CENPC: variants seen among roughly 807,000 people sequenced by gnomAD.
The protein encoded by CENPC is centromere protein C.
A neutral mutation model predicts 112.1 loss-of-function variants in CENPC; 63 were observed. The ratio of observed to expected loss-of-function variants is 0.56; its 90% CI spans 0.46 to 0.69. The LOEUF (loss-of-function observed/expected upper bound fraction) is 0.69. Ranked by LOEUF, CENPC falls within the 30% of genes least tolerant of loss-of-function variation. The pLI, the probability that CENPC is intolerant of heterozygous loss-of-function variation, is 0.00. For missense variants in CENPC, 1,000 were observed against 1,103.8 expected, an observed-to-expected ratio of 0.91 and a Z score of 1.33; for synonymous variants, 333 against 367.6, an observed-to-expected ratio of 0.91 and a Z score of 1.08.
intron 15 of CENPC, 197 bp downstream of exon 15, chr4:67,492,672 T>G: frequency 1.2e-6 from 1 of 843,028 alleles, no homozygotes; most frequent in Non-Finnish European, 1.6e-6. Context: ...ATTTATAATA[T>G]GCTATTAATA....
At chr4:67,531,816 TC>T (rs1347160539) in intron 4 of CENPC, among the ~76,000 whole-genome samples, 1 of 152,194 alleles carries the variant, frequency 6.6e-6, no homozygotes, top group Non-Finnish European at 1.5e-5. Context: ...CAGCTGTGTA[TC>T]CTGGCTGAAT....
In CENPC at chr4:67,535,828, G is replaced by GA. The variant is rs979635153; in HGVS notation, c.231+4011dup. On this transcript the variant is annotated intron_variant, in intron 4 of 18. Coordinates refer to ENST00000273853, the MANE Select transcript of CENPC (RefSeq NM_001812.4). ...GCCAATAAATAATAGCAAAGACTGG[G>GA]AAAAAAAATCAAGAAACAGCAATAT... is the stretch of plus-strand genomic sequence containing the variant. 6.0e-5 allele frequency among the ~76,000 whole-genome samples: 9 copies of GA among 150,994 alleles called. No homozygotes were observed. The East Asian group carries it at 1.6e-3, about 26-fold the overall frequency.
chr4:67,509,083 T>C lies in CENPC; in HGVS notation c.1635A>G (p.Ser545=), dbSNP rs779495147. 1.6e-5 allele frequency: 26 copies of C among 1,608,202 alleles called. No homozygotes were observed. The highest frequency in any genetic ancestry group is 3.4e-6 in the Non-Finnish European group (4 of 1,178,652). ...GATGCATTGGTAATTCATTTCTTACTGAAGAATTGCTATAAACAGGACCTG... is the reference window on the plus strand; with the variant it reads ...GATGCATTGGTAATTCATTTCTTACCGAAGAATTGCTATAAACAGGACCTG... ...SEESPVYSNS[S]VRNELPMHHN... is the part of the protein sequence containing the mutation. Residue 545 remains serine, a synonymous_variant, in exon 10 of 19, where the codon TCA becomes TCG. Coordinates refer to ENST00000273853, the MANE Select transcript of CENPC (RefSeq NM_001812.4).
rs762773760 is a variant in CENPC at position 67,512,452 on chromosome 4, C to T, written c.1562G>A (p.Arg521Gln). ...ATCAGATGGACGCCTGGAAATTCTT[C>T]GACTTTTCGTGACAGTTGAAGTCAC... ...EEVTSTVTKSRRISRRPSDWW... is the reference protein window; with the variant it reads ...EEVTSTVTKSQRISRRPSDWW... The change falls in exon 9 of 19, where the codon CGA becomes CAA. Residue 521 changes from arginine to glutamine, a missense_variant. Coordinates refer to ENST00000273853, the MANE Select transcript of CENPC (RefSeq NM_001812.4). 24 of 1,601,392 alleles carry T rather than the reference C, an allele frequency of 1.5e-5. No individual in the cohort carries two copies. The highest frequency in any genetic ancestry group is 9.0e-5 in the East Asian group (4 of 44,578).
intron 1 of CENPC, 85 bp from the exon 2 acceptor site, chr4:67,544,280 G>A (rs1356826002): frequency 2.7e-6 from 2 of 743,358 alleles, no homozygotes; most frequent in Admixed American, 4.4e-5. Context: ...ATCCAGTATG[G>A]GCATGCTATA....
At chr4:67,489,279 G>A (rs1419055907) in intron 17 of CENPC, among the ~76,000 whole-genome samples, 1 of 151,316 alleles carries the variant, frequency 6.6e-6, no homozygotes, top group Non-Finnish European at 1.5e-5. Context: ...AATGGGGGTG[G>A]GGGTGGAAGA....
intron 5 of CENPC, among the ~76,000 whole-genome samples, chr4:67,520,567 G>A (rs1303267227): frequency 1.3e-5 from 2 of 152,070 alleles, no homozygotes; most frequent in East Asian, 3.8e-4. Flanking sequence ...CCACACAAGT[G>A]AACATGGACA....
At chr4:67,531,786 G>A (rs1000000868) in intron 4 of CENPC, among the ~76,000 whole-genome samples, 1 of 152,264 alleles carries the variant, frequency 6.6e-6, no homozygotes, top group Non-Finnish European at 1.5e-5. Flanking sequence ...CTGCTAATGC[G>A]CATTTTTCCC....
intron 17 of CENPC, among the ~76,000 whole-genome samples, chr4:67,488,057 C>T (rs1725138966): frequency 6.6e-6 from 1 of 151,680 alleles, no homozygotes; most frequent in African/African-American, 2.4e-5. Context: ...ATAAAATCAA[C>T]TAAAATAACT....
At chr4:67,521,652 G>C (rs1726232693) in intron 5 of CENPC, among the ~76,000 whole-genome samples, 1 of 152,092 alleles carries the variant, frequency 6.6e-6, no homozygotes, top group African/African-American at 2.4e-5. Context: ...ACTGAAAGCA[G>C]GAACTCAAAG....
rs1724583564 is a variant in CENPC, at chr4:67,469,048, CT to C, written c.*3556del. 1 of 152,150 alleles carries C rather than the reference CT, an allele frequency of 6.6e-6. No individual in the cohort carries two copies. 9.4% of individuals were successfully genotyped at this position (152,150 alleles called of 1,614,324 possible). On this transcript the variant is annotated 3_prime_UTR_variant, in exon 19 of 19. Transcript: ENST00000273853. ...AATTCACACATATGATGAAATAGAA[CT>C]ATACACATGCATTGTATCCTTGCCA... is the stretch of plus-strand genomic sequence containing the variant.
intron 1 of CENPC, 21 bp from the exon 2 acceptor site, chr4:67,544,216 C>T: frequency 6.8e-7 from 1 of 1,469,808 alleles, no homozygotes; most frequent in Non-Finnish European, 9.5e-7. Context: ...AGTAAATCAT[C>T]AATTTGGTTT....
intron 12 of CENPC, among the ~76,000 whole-genome samples, chr4:67,498,042 C>T (rs1472720674): frequency 6.6e-6 from 1 of 151,866 alleles, no homozygotes; most frequent in Non-Finnish European, 1.5e-5. Flanking sequence ...ACAAGCCCGA[C>T]CAACATGGCG....
At chr4:67,531,101 T>C (rs2109825777) in intron 4 of CENPC, among the ~76,000 whole-genome samples, 187 bp from the exon 5 acceptor site, 1 of 152,314 alleles carries the variant, frequency 6.6e-6, no homozygotes, top group South Asian at 2.1e-4. Context: ...TCTGGCATTA[T>C]TCAGTAAAGC....
chr4:67,513,642 G>A (rs958806283), intron 8 of CENPC, among the ~76,000 whole-genome samples: 1 of 152,102 alleles, frequency 6.6e-6, no homozygotes, highest in Non-Finnish European at 1.5e-5. Context: ...AGTAATTTTT[G>A]TGATTACAGT....
chr4:67,514,124 T>C lies in CENPC; in HGVS notation c.1394A>G (p.His465Arg), dbSNP rs181597128. 1.2e-3 allele frequency: 1,950 copies of C among 1,609,154 alleles called. 24 individuals carry two copies. In the African/African-American group the frequency reaches 0.024, roughly 20 times the overall value. The change falls in exon 8 of 19, where the codon CAT becomes CGT. Residue 465 changes from histidine (H) to arginine (R), a missense_variant. His to Arg is a conservative substitution (Grantham distance 29, BLOSUM62 0). Transcript: ENST00000273853. ...AACACAATCATTTCCCATCTCTTCA[T>C]GCTCTTCCATATTTCTGTCTGAATT... ...QRNSDRNMEE[H>R]EEMGNDCVSK...
In CENPC at chr4:67,513,856, T is replaced by G. The variant is rs72924968; in HGVS notation, c.1444+218A>C. Among the ~76,000 whole-genome samples, 1,495 of 152,194 alleles carry G rather than the reference T, an allele frequency of 9.8e-3. 26 individuals are homozygous for G. Among genetic ancestry groups the G allele is most frequent in the African/African-American group, 0.034 (1,433 of 41,546 alleles). ...CTAGCCTTTTCTTTTCACTTTGCCC[T>G]CTATATATACTGCCATCTCACAAGA... On this transcript the variant is annotated intron_variant, in intron 8 of 18. Coordinates refer to ENST00000273853, the MANE Select transcript of CENPC (RefSeq NM_001812.4).
rs767139514 is a variant in CENPC at position 67,490,010 on chromosome 4, G to A, written c.2627C>T (p.Pro876Leu). ...ATGCTGCTTTCCCTTTTCTTCTTGT[G>A]GTCCTAATATCAATTTCCCAGTAGA... The part of the protein sequence containing the change: ...FFSTGKLILG[P>L]QEEKGKQHVG... The change falls in exon 17 of 19, where the codon CCA (proline) becomes CTA (leucine). Residue 876 changes from proline (P) to leucine (L), a missense_variant. Transcript: ENST00000273853. The A allele has an allele frequency of 6.3e-7, 1 of 1,597,688 alleles. No homozygotes were observed. Among genetic ancestry groups the A allele is most frequent in the African/African-American group, 1.3e-5 (1 of 74,404 alleles).
Position 67,509,015 on chromosome 4 carries a change from G to C in CENPC, c.1703C>G (p.Ser568Cys), listed in dbSNP as rs771613770. 1 of 1,612,910 alleles carries C rather than the reference G, an allele frequency of 6.2e-7. No homozygotes were observed. The highest frequency in any genetic ancestry group is 1.1e-5 in the South Asian group (1 of 91,064). Residue 568 changes from serine to cysteine, a missense_variant, in exon 10 of 19, where the codon TCT becomes TGT. By Grantham distance (112) the Ser-to-Cys change is moderately radical (BLOSUM62 -1). Coordinates refer to ENST00000273853, the MANE Select transcript of CENPC (RefSeq NM_001812.4). ...RKSTKKTNQS[S>C]KNIRKKTIPL... ...AATAGTTTTTTTCCTAATATTCTTA[G>C]ATGACTGATTTGTTTTCTTAGTAGA...
Sources: gnomAD v4.1 joint callset for allele counts (sites outside exome capture counted in the v4.1 genomes callset) on GRCh38, gnomAD v4.1.1 for gene constraint, MANE v1.5 for transcripts, NCBI Gene and HGNC (gene_info 2026-07-23, HGNC 2026-07-21) for gene names.